The following SH3RF3 variants were observed in gnomAD, a reference collection of about 807,000 sequenced individuals.
SH3RF3 encodes the protein SH3 domain containing ring finger 3, also known as E3 ubiquitin-protein ligase SH3RF3.
Under a neutral mutation model 66.3 loss-of-function variants are expected in SH3RF3, and 29 were observed. The ratio of observed to expected loss-of-function variants is 0.44; its 90% confidence interval spans 0.33 to 0.60. The LOEUF is 0.60. Among genes scored for constraint, SH3RF3 ranks in the 20% least tolerant of loss-of-function variants. SH3RF3 has a pLI of 0.04. For synonymous variants in SH3RF3, 583 were observed against 532.0 expected (o/e 1.10, Z -1.32); for missense variants, 1,194 against 1,190.9 (o/e 1.00, Z -0.04).
chr2:109,259,604 G>A (rs1005904821), intron 1 of SH3RF3, among the ~76,000 whole-genome samples: 1 of 152,228 alleles, frequency 6.6e-6, no homozygotes, highest in South Asian at 2.1e-4. Flanking sequence ...TGTTTGGGCG[G>A]CATGTTATTT....
intron 1 of SH3RF3, chr2:109,251,585 A>C (rs1037304210): frequency 8.8e-6 from 8 of 909,304 alleles, no homozygotes; most frequent in African/African-American, 1.6e-5. Flanking sequence ...GGGCAACAGA[A>C]CAATATTGGA....
chr2:109,231,058 T>C (rs376209779), intron 1 of SH3RF3, among the ~76,000 whole-genome samples: 56 of 152,314 alleles, frequency 3.7e-4, no homozygotes, highest in African/African-American at 1.3e-3. Flanking sequence ...AGCAGCAGAG[T>C]TGGCTTCTGG....
At chr2:109,333,693 C>T (rs1248876013) in intron 1 of SH3RF3, among the ~76,000 whole-genome samples, 1 of 152,164 alleles carries the variant, frequency 6.6e-6, no homozygotes, top group Non-Finnish European at 1.5e-5. Context: ...AAGATAAGAG[C>T]ACAAATTCTG....
At chr2:109,348,013 C>T (rs1262530225) in intron 2 of SH3RF3, 64 bp downstream of exon 2, 1 of 1,526,642 alleles carries the variant, frequency 6.6e-7, no homozygotes, top group Non-Finnish European at 8.8e-7. Context: ...CAGGGCTCTT[C>T]CCAGCCACAG....
intron 1 of SH3RF3, among the ~76,000 whole-genome samples, chr2:109,183,452 C>T (rs1022830878): frequency 2.6e-5 from 4 of 152,146 alleles, no homozygotes; most frequent in Non-Finnish European, 5.9e-5. Flanking sequence ...GTTCAACTCC[C>T]ACACAGTAAA....
chr2:109,397,240 GCT>G (rs1247034766), intron 3 of SH3RF3, among the ~76,000 whole-genome samples: 1 of 152,158 alleles, frequency 6.6e-6, no homozygotes, highest in Non-Finnish European at 1.5e-5. Flanking sequence ...CCTGCCCTGA[GCT>G]CTGTGCTCCT....
At chr2:109,275,909 A>G (rs996809200) in intron 1 of SH3RF3, among the ~76,000 whole-genome samples, 1 of 152,178 alleles carries the variant, frequency 6.6e-6, no homozygotes, top group Non-Finnish European at 1.5e-5. Context: ...AAAATTCATT[A>G]TAATCTGACA....
rs146556763 is a variant in SH3RF3 at position 109,365,369 on chromosome 2, G to A, written c.850-6217G>A. ...AGTTACAGTTCAGGCCCTCCTAGCC[G>A]AGCACTGCTTCCCACGGAGGCTGCT... On this transcript the variant is annotated intron_variant, in intron 2 of 9. Transcript: ENST00000309415. Among the ~76,000 whole-genome samples the A allele has an allele frequency of 3.3e-3, 504 of 152,292 alleles. 3 individuals are homozygous for A. The highest frequency in any genetic ancestry group is 0.011 in the African/African-American group (454 of 41,560).
At chr2:109,190,830 A>G (rs999801962) in intron 1 of SH3RF3, among the ~76,000 whole-genome samples, 3 of 151,920 alleles carry the variant, frequency 2.0e-5, no homozygotes, top group African/African-American at 7.3e-5. Context: ...AGGAGTGTTC[A>G]ATTCAGAAAA....
chr2:109,149,176 T>C (rs544761843), intron 1 of SH3RF3, among the ~76,000 whole-genome samples: 1 of 152,238 alleles, frequency 6.6e-6, no homozygotes, highest in Admixed American at 6.5e-5. Flanking sequence ...TGGGCAGGAC[T>C]CAGGGCAGGG....
rs527741978 is a variant in SH3RF3 at position 109,402,029 on chromosome 2, C to G, written c.1299+3086C>G. 5.5e-4 allele frequency among the ~76,000 whole-genome samples: 84 copies of G among 152,332 alleles called. 1 individual carries two copies. The highest frequency in any genetic ancestry group is 2.0e-3 in the African/African-American group (83 of 41,580). On this transcript the variant is annotated intron_variant, in intron 4 of 9. Transcript: ENST00000309415. Reference sequence around the variant, plus strand: ...GGCAAGAGGTCAAATAAAGCAGTTGCCGCCTGTCTCCCTGTCCTGATTTAA... The same window carrying G: ...GGCAAGAGGTCAAATAAAGCAGTTGGCGCCTGTCTCCCTGTCCTGATTTAA...
intron 1 of SH3RF3, among the ~76,000 whole-genome samples, chr2:109,336,398 C>A (rs1234626121): frequency 6.6e-6 from 1 of 152,216 alleles, no homozygotes; most frequent in Non-Finnish European, 1.5e-5. Flanking sequence ...TGGATTGACT[C>A]ACTAGCATGC....
chr2:109,409,542 C>A (rs1676532935), intron 4 of SH3RF3, among the ~76,000 whole-genome samples: 2 of 152,108 alleles, frequency 1.3e-5, no homozygotes, highest in South Asian at 4.2e-4. Context: ...GGCTTGTGGG[C>A]AGCAGTGGAG....
At chr2:109,410,164 C>T (rs76166883) in intron 4 of SH3RF3, among the ~76,000 whole-genome samples, 10,090 of 152,290 alleles carry the variant, frequency 0.066, 479 homozygotes, top group East Asian at 0.26. Context: ...GGTTTAGAAT[C>T]GGGGAACCGC....
intron 1 of SH3RF3, among the ~76,000 whole-genome samples, chr2:109,271,676 C>T (rs968328264): frequency 1.3e-5 from 2 of 152,240 alleles, no homozygotes; most frequent in Non-Finnish European, 2.9e-5. Context: ...GTGGTGGGTG[C>T]TGCATTGTCA....
intron 5 of SH3RF3, among the ~76,000 whole-genome samples, chr2:109,425,702 A>AAG (rs1677009471): frequency 6.6e-6 from 1 of 151,498 alleles, no homozygotes; most frequent in African/African-American, 2.4e-5. Flanking sequence ...TGCTCAGAAA[A>AAG]AAAAGATTCC....
At chr2:109,450,764 T>C (rs1041758069) in intron 8 of SH3RF3, among the ~76,000 whole-genome samples, 8 of 152,194 alleles carry the variant, frequency 5.3e-5, no homozygotes, top group African/African-American at 1.4e-4. Context: ...CCCTAGGGCG[T>C]TGGGCTGGGT....
At chr2:109,416,778 CA>C (rs944355343) in intron 4 of SH3RF3, among the ~76,000 whole-genome samples, 2 of 151,794 alleles carry the variant, frequency 1.3e-5, no homozygotes, top group African/African-American at 4.8e-5. Flanking sequence ...TGGTATTGTG[CA>C]ACTGTAATCC....
Position 109,504,494 on chromosome 2 carries a change from C to T in SH3RF3, c.*2823C>T, listed in dbSNP as rs1679479462. The T allele has an allele frequency of 6.9e-6, 1 of 144,512 alleles. No individual in the cohort carries two copies. 9.0% of individuals were successfully genotyped at this position (144,512 alleles called of 1,614,324 possible). A position where few individuals can be genotyped will look rare whatever the true frequency, so the allele number is the denominator to read the frequency against. On this transcript the variant is annotated 3_prime_UTR_variant, in exon 10 of 10. Coordinates refer to ENST00000309415, the MANE Select transcript of SH3RF3 (RefSeq NM_001099289.3). ...GAGATCCTTTGTACTTTGCACAGTT[C>T]ACACACACAAACACACACACCCTAT...
Sources: gnomAD v4.1 joint callset for allele counts (sites outside exome capture counted in the v4.1 genomes callset) on GRCh38, gnomAD v4.1.1 for gene constraint, MANE v1.5 for transcripts, NCBI Gene and HGNC (gene_info 2026-07-23, HGNC 2026-07-21) for gene names.